TENM2: variants seen among roughly 807,000 people sequenced by gnomAD.
The protein encoded by TENM2 is teneurin transmembrane protein 2.
A neutral mutation model predicts 245.2 loss-of-function variants in TENM2; 52 were observed. The ratio of observed to expected loss-of-function variants is 0.21; its 90% CI spans 0.17 to 0.27. TENM2 has a LOEUF of 0.27. TENM2 is among the 10% of genes least tolerant of loss of function. The probability of loss-of-function intolerance (pLI) is 1.00; values close to 1 mark genes in which losing one functional copy is unlikely to be tolerated. For missense variants in TENM2, 3,046 were observed against 3,666.8 expected, an observed-to-expected ratio of 0.83 and a Z score of 4.37; for synonymous variants, 1,363 against 1,438.9, an observed-to-expected ratio of 0.95 and a Z score of 1.19.
At chr5:167,832,922 G>A (rs1226965242) in intron 2 of TENM2, among the ~76,000 whole-genome samples, 2 of 152,020 alleles carry the variant, frequency 1.3e-5, no homozygotes, top group African/African-American at 2.4e-5. Context: ...ACAGATCAGG[G>A]CTTTTTTTTC....
intron 2 of TENM2, among the ~76,000 whole-genome samples, chr5:167,448,305 A>G (rs927829354): frequency 2.6e-5 from 4 of 152,018 alleles, no homozygotes; most frequent in Admixed American, 2.0e-4. Context: ...GAAAGTTTTC[A>G]CCACGAGCAA....
chr5:168,214,431 G>A (rs2152559165), intron 20 of TENM2, among the ~76,000 whole-genome samples: 1 of 152,344 alleles, frequency 6.6e-6, no homozygotes, highest in Middle Eastern at 3.4e-3. Flanking sequence ...TCCAGACACA[G>A]TACCAGCAAG....
chr5:167,646,722 T>A (rs1779991176), intron 2 of TENM2, among the ~76,000 whole-genome samples: 1 of 151,894 alleles, frequency 6.6e-6, no homozygotes, highest in African/African-American at 2.4e-5. Context: ...TCTTATCAAA[T>A]GAAAAATAAT....
intron 1 of TENM2, among the ~76,000 whole-genome samples, chr5:167,346,780 T>G (rs753084132): frequency 1.3e-5 from 2 of 152,066 alleles, no homozygotes; most frequent in Non-Finnish European, 1.5e-5. Flanking sequence ...CAACTATTTT[T>G]TTTTTTCTTG....
At chr5:167,267,513 C>T in the TENM2 span, among the ~76,000 whole-genome samples, 3 of 152,092 alleles carry the variant, frequency 2.0e-5, no homozygotes, top group Admixed American at 6.6e-5. Context: ...ATTCCCCTCT[C>T]AAAAATCAGA....
At chr5:167,006,569 A>G in the TENM2 span, among the ~76,000 whole-genome samples, 1 of 152,226 alleles carries the variant, frequency 6.6e-6, no homozygotes, top group African/African-American at 2.4e-5. Flanking sequence ...GCATGGATAC[A>G]TATGTATGCA....
At chr5:167,370,341 CAAAAAAAAAAAAAAAAAAAA>C (rs35067759) in intron 1 of TENM2, among the ~76,000 whole-genome samples, 1 of 73,474 alleles carries the variant, frequency 1.4e-5, no homozygotes, top group African/African-American at 4.3e-5. Context: ...GACTCCGTCT[CAAAAAAAAAAAAAAAAAAAA>C]AAAAAAAAAA....
the TENM2 span, among the ~76,000 whole-genome samples, chr5:167,109,669 T>G: frequency 6.6e-6 from 1 of 152,092 alleles, no homozygotes. Context: ...ACATCCATTC[T>G]TTGGTTTTTC....
the TENM2 span, among the ~76,000 whole-genome samples, chr5:167,124,986 G>C: frequency 6.6e-6 from 1 of 152,308 alleles, no homozygotes; most frequent in Middle Eastern, 3.4e-3. Context: ...CGTGGAACTA[G>C]GTATGTGTAC....
At chr5:168,090,467 C>CA in intron 7 of TENM2, 107 bp from the exon 10 acceptor site, 1 of 937,818 alleles carries the variant, frequency 1.1e-6, no homozygotes, top group East Asian at 2.6e-5. Context: ...AAATGTGCTA[C>CA]AAAAAAGGTC....
At chr5:167,225,448 T>C in the TENM2 span, among the ~76,000 whole-genome samples, 4 of 152,100 alleles carry the variant, frequency 2.6e-5, no homozygotes, top group Admixed American at 6.6e-5. Flanking sequence ...TTCATTCTGT[T>C]GATGTGATGT....
rs527934269 is a variant in TENM2 at position 167,485,682 on chromosome 5, T to C, written c.502+110209T>C. Among the ~76,000 whole-genome samples, 9 of 152,126 alleles carry C rather than the reference T, an allele frequency of 5.9e-5. No individual in the cohort carries two copies. In the South Asian group the frequency reaches 8.3e-4, roughly 14 times the overall value. On this transcript the variant is annotated intron_variant, in intron 2 of 28. Coordinates refer to ENST00000518659, the Ensembl canonical transcript of TENM2. ...TTGAAGAACAAAACAGCAATACTTA[T>C]GAAGAACCCTGCCACTATGACGCCA...
At chr5:168,256,589 T>C (rs1345152322) in intron 27 of TENM2, among the ~76,000 whole-genome samples, 1 of 152,122 alleles carries the variant, frequency 6.6e-6, no homozygotes, top group African/African-American at 2.4e-5. Flanking sequence ...CACGCCCGGC[T>C]ATTTTTTGTG....
intron 23 of TENM2, among the ~76,000 whole-genome samples, chr5:168,224,052 T>G (rs1763921411): frequency 6.6e-6 from 1 of 152,222 alleles, no homozygotes; most frequent in African/African-American, 2.4e-5. Flanking sequence ...GTTTCTACTT[T>G]ATGGATAGAT....
At position 167,803,233 on chromosome 5, in the gene TENM2, G is replaced by A. The variant is rs1765912690; in HGVS notation, c.503-72753G>A. The stretch of plus-strand genomic sequence containing the variant: ...GGGAGGAAACAGAGGGGTAAAGAAT[G>A]CCCCCACTGCATTCCTAAAATTCCA... On this transcript the variant is annotated intron_variant, in intron 2 of 28. Transcript: ENST00000518659. Among the ~76,000 whole-genome samples, 3 of 152,224 alleles carry A rather than the reference G, an allele frequency of 2.0e-5. No homozygotes were observed. The South Asian group carries it at 6.2e-4, about 32-fold the overall frequency.
At chr5:167,024,696 G>A in the TENM2 span, among the ~76,000 whole-genome samples, 4 of 152,184 alleles carry the variant, frequency 2.6e-5, no homozygotes, top group African/African-American at 9.7e-5. Context: ...GGAGCTGAAA[G>A]AAAGTCATTG....
the TENM2 span, among the ~76,000 whole-genome samples, chr5:167,009,353 T>C: frequency 6.6e-6 from 1 of 152,176 alleles, no homozygotes; most frequent in Non-Finnish European, 1.5e-5. Flanking sequence ...ATTCATTAAG[T>C]TTTTTTCATA....
chr5:167,482,164 T>C (rs7723006), intron 2 of TENM2, among the ~76,000 whole-genome samples: 29,193 of 152,162 alleles, frequency 0.19, 2,779 homozygotes, highest in East Asian at 0.24. Context: ...CTCTCCTTAA[T>C]TTTTATCACC....
intron 12 of TENM2, among the ~76,000 whole-genome samples, chr5:168,151,519 C>T (rs1174287298): frequency 1.3e-5 from 2 of 152,214 alleles, no homozygotes; most frequent in South Asian, 2.1e-4. Context: ...CATGGATTCT[C>T]TCATTTAAAT....
Sources: gnomAD v4.1 joint callset for allele counts (sites outside exome capture counted in the v4.1 genomes callset) on GRCh38, gnomAD v4.1.1 for gene constraint, MANE v1.5 for transcripts, NCBI Gene and HGNC (gene_info 2026-07-23, HGNC 2026-07-21) for gene names.